The following KCNQ5 variants were observed in gnomAD, a reference collection of about 807,000 sequenced individuals.
KCNQ5 encodes potassium voltage-gated channel subfamily KQT member 5.
In KCNQ5, 30 loss-of-function variants were observed where a neutral mutation model predicts 98.2. The ratio of observed to expected loss-of-function variants is 0.31; its 90% CI spans 0.23 to 0.41. The LOEUF is 0.41. Ranked by LOEUF, KCNQ5 falls within the 10% of genes least tolerant of loss-of-function variation. The probability of loss-of-function intolerance (pLI) is 1.00; values close to 1 mark genes in which losing one functional copy is unlikely to be tolerated. For synonymous variants in KCNQ5, 458 were observed against 449.4 expected, an observed-to-expected ratio of 1.02 and a Z score of -0.24; for missense variants, 835 against 1,182.5, an observed-to-expected ratio of 0.71 and a Z score of 4.31.
intron 2 of KCNQ5, among the ~76,000 whole-genome samples, chr6:73,035,823 A>G (rs1395544408): frequency 6.6e-6 from 1 of 152,186 alleles, no homozygotes; most frequent in African/African-American, 2.4e-5. Context: ...GTAGATTCAC[A>G]TGCAGTTGTA....
At chr6:73,157,222 C>T (rs924840723) in intron 10 of KCNQ5, among the ~76,000 whole-genome samples, 1 of 152,252 alleles carries the variant, frequency 6.6e-6, no homozygotes, top group Non-Finnish European at 1.5e-5. Context: ...GAGGTCAGGC[C>T]TTGCAGGGTC....
chr6:72,960,026 G>T (rs936964435), intron 1 of KCNQ5, among the ~76,000 whole-genome samples: 3 of 152,184 alleles, frequency 2.0e-5, no homozygotes, highest in Admixed American at 6.5e-5. Context: ...TTTGATACAC[G>T]CTATTTTGCG....
chr6:72,692,292 T>C (rs916975265), intron 1 of KCNQ5, among the ~76,000 whole-genome samples: 3 of 152,214 alleles, frequency 2.0e-5, no homozygotes, highest in Admixed American at 1.3e-4. Flanking sequence ...TTTGATGCTA[T>C]AGGAGCACAG....
rs758258804 is a variant in KCNQ5, at chr6:73,169,717, GTTAT to G, written c.1469-25_1469-22del. On this transcript the variant is annotated intron_variant, in intron 10 of 13. Coordinates refer to ENST00000370398, the MANE Select transcript of KCNQ5 (RefSeq NM_019842.4). Reference sequence around the variant, plus strand: ...CATGTTTCAAATTGCGGATGGTGGTGTTATTTAACTGGCAATATTCTCTTGCAGC... The same window carrying G: ...CATGTTTCAAATTGCGGATGGTGGTGTTAACTGGCAATATTCTCTTGCAGC... The G allele has an allele frequency of 6.8e-6, 10 of 1,469,042 alleles. No individual in the cohort carries two copies. The South Asian group carries it at 8.0e-5, about 12-fold the overall frequency. The allele number at this position is 1,469,042 out of a possible 1,614,324, so 91.0% of individuals were successfully genotyped here.
chr6:73,159,720 T>A (rs1423135651), intron 10 of KCNQ5, among the ~76,000 whole-genome samples: 1 of 152,234 alleles, frequency 6.6e-6, no homozygotes, highest in Non-Finnish European at 1.5e-5. Flanking sequence ...TGCTAGTCTT[T>A]CCTGACTGAC....
At chr6:72,634,338 C>T (rs1243216985) in intron 1 of KCNQ5, among the ~76,000 whole-genome samples, 5 of 152,078 alleles carry the variant, frequency 3.3e-5, no homozygotes, top group African/African-American at 7.2e-5. Flanking sequence ...ATTTTTCTGA[C>T]GTGCTAGCTT....
chr6:72,903,014 G>A (rs1779569026), intron 1 of KCNQ5, among the ~76,000 whole-genome samples: 1 of 152,146 alleles, frequency 6.6e-6, no homozygotes, highest in African/African-American at 2.4e-5. Flanking sequence ...ATCACTGCTT[G>A]TTATTGGTCT....
rs552072275 is a variant in KCNQ5, at chr6:73,116,072, T to G, written c.1126-4411T>G. Among the ~76,000 whole-genome samples, 388 of 152,182 alleles carry G rather than the reference T, an allele frequency of 2.5e-3. 1 individual carries two copies. The highest frequency in any genetic ancestry group is 3.8e-3 in the Non-Finnish European group (260 of 68,012). On this transcript the variant is annotated intron_variant, in intron 7 of 13. Coordinates refer to ENST00000370398, the MANE Select transcript of KCNQ5 (RefSeq NM_019842.4). ...AATGTAATCATAACAGGTACATATA[T>G]GCAAATCAAGAAATTAAAATAGGGC...
chr6:72,673,164 A>G (rs1042080867), intron 1 of KCNQ5, among the ~76,000 whole-genome samples: 1 of 152,114 alleles, frequency 6.6e-6, no homozygotes, highest in African/African-American at 2.4e-5. Flanking sequence ...GCCTGGAGTC[A>G]AGGACTGTTA....
At chr6:72,689,155 T>C (rs1768089896) in intron 1 of KCNQ5, among the ~76,000 whole-genome samples, 1 of 152,124 alleles carries the variant, frequency 6.6e-6, no homozygotes, top group South Asian at 2.1e-4. Context: ...CCCTTTGGAG[T>C]CCTGGTTAGA....
chr6:73,083,389 G>A (rs932838092), intron 5 of KCNQ5, among the ~76,000 whole-genome samples: 7 of 151,994 alleles, frequency 4.6e-5, no homozygotes, highest in Admixed American at 1.3e-4. Context: ...AAAATCAGGG[G>A]TGAACACACA....
intron 1 of KCNQ5, among the ~76,000 whole-genome samples, chr6:72,722,166 C>T (rs1164371923): frequency 6.6e-6 from 1 of 152,152 alleles, no homozygotes; most frequent in East Asian, 1.9e-4. Context: ...GGAACCAGCC[C>T]TGCTGGTACC....
rs1465340694 is a variant in KCNQ5 at position 72,832,604 on chromosome 6, T to G, written c.399-171304T>G. On this transcript the variant is annotated intron_variant, in intron 1 of 13. Coordinates refer to ENST00000370398, the MANE Select transcript of KCNQ5 (RefSeq NM_019842.4). ...CAGTGTCTTGTTTAGTCAAGCAAAC[T>G]GTCTCCTAAATTTGGTTATCTCCTA... is the stretch of plus-strand genomic sequence containing the variant. 2.6e-5 allele frequency among the ~76,000 whole-genome samples: 4 copies of G among 152,176 alleles called. No homozygotes were observed. The South Asian group carries it at 8.3e-4, about 32-fold the overall frequency.
intron 1 of KCNQ5, among the ~76,000 whole-genome samples, chr6:72,634,192 G>A (rs1489066663): frequency 6.6e-6 from 1 of 152,158 alleles, no homozygotes; most frequent in African/African-American, 2.4e-5. Flanking sequence ...CACAATAAAT[G>A]TTTGTTGAAT....
rs117656845 is a variant in KCNQ5, at chr6:73,152,973, T to G, written c.1469-16773T>G. On this transcript the variant is annotated intron_variant, in intron 10 of 13. Coordinates refer to ENST00000370398, the MANE Select transcript of KCNQ5 (RefSeq NM_019842.4). Reference sequence around the variant, plus strand: ...GTTTAATACCTGTCCTTTGACTGTGTTGGATGTATCTTTGGATGAAGGGGT... The same window carrying G: ...GTTTAATACCTGTCCTTTGACTGTGGTGGATGTATCTTTGGATGAAGGGGT... 6.3e-3 allele frequency among the ~76,000 whole-genome samples: 959 copies of G among 152,310 alleles called. 8 individuals carry two copies. The highest frequency in any genetic ancestry group is 0.011 in the Non-Finnish European group (735 of 68,022).
rs183998563 is a variant in KCNQ5, at chr6:73,125,646, G to A, written c.1247+1134G>A. On this transcript the variant is annotated intron_variant, in intron 9 of 13. Transcript: ENST00000370398. ...GAAGCCAGTTTTGAAAGTTCACTTG[G>A]TGTATTAAGGCTCTGGATTATCCAT... 1.9e-3 allele frequency: 401 copies of A among 209,826 alleles called. 6 individuals carry two copies. The highest frequency in any genetic ancestry group is 7.8e-3 in the African/African-American group (327 of 42,052). 13.0% of individuals were successfully genotyped at this position (209,826 alleles called of 1,614,324 possible).
intron 3 of KCNQ5, among the ~76,000 whole-genome samples, chr6:73,059,385 GAAC>G (rs1385405145): frequency 3.3e-5 from 5 of 152,098 alleles, no homozygotes; most frequent in African/African-American, 1.2e-4. Context: ...ACAAACAAGA[GAAC>G]AACAGACGCG....
intron 1 of KCNQ5, among the ~76,000 whole-genome samples, chr6:72,962,006 G>A (rs1297697250): frequency 2.0e-5 from 3 of 151,304 alleles, no homozygotes; most frequent in South Asian, 2.1e-4. Flanking sequence ...GTGAAACCCC[G>A]TATCAACAAA....
At chr6:73,066,475 G>A (rs1197646070) in intron 3 of KCNQ5, among the ~76,000 whole-genome samples, 9 of 152,168 alleles carry the variant, frequency 5.9e-5, no homozygotes, top group Non-Finnish European at 1.5e-5. Context: ...TTGGCTTATA[G>A]TAGACATGCA....
Sources: allele counts gnomAD v4.1 joint callset (sites outside exome capture counted in the v4.1 genomes callset), GRCh38; gene constraint gnomAD v4.1.1; transcripts MANE v1.5; gene names NCBI Gene and HGNC (gene_info 2026-07-23, HGNC 2026-07-21).